Variants in XPNPEP2 observed in about 807,000 individuals in gnomAD.
The protein encoded by XPNPEP2 is xaa-Pro aminopeptidase 2.
XPNPEP2 carries 64 observed loss-of-function variants against 59.8 expected under a neutral mutation model. The ratio of observed to expected loss-of-function variants is 1.07; its 90% confidence interval spans 0.87 to 1.32. The LOEUF is 1.32. Ranked by LOEUF, XPNPEP2 falls within the 40% of genes most tolerant of loss-of-function variation. The probability of loss-of-function intolerance (pLI) is 0.00; values close to 1 mark genes in which losing one functional copy is unlikely to be tolerated. For synonymous variants in XPNPEP2, 235 were observed against 210.0 expected (o/e 1.12, Z -1.03); for missense variants, 575 against 546.8 (o/e 1.05, Z -0.51).
At position 129,760,422 on chromosome X, in the gene XPNPEP2, C is replaced by T. The variant is rs1890146399; in HGVS notation, c.1429-90C>T. 2.1e-5 allele frequency: 21 copies of T among 981,517 alleles called. No individual in the cohort carries two copies. The South Asian group carries it at 4.1e-4, about 19-fold the overall frequency. 80.9% of individuals were successfully genotyped at this position (981,517 alleles called of 1,213,427 possible). On this transcript the variant is annotated intron_variant, in intron 15 of 20. Transcript: ENST00000371106. ...CTGCCTACACACACCCAGGCCTGGG[C>T]CCTGCACCGTGTATCCATAGGCCAA...
At position 129,747,639 on chromosome X, in the gene XPNPEP2, G is replaced by A. The variant is rs1390724127; in HGVS notation, c.523G>A (p.Gly175Ser). ...GGAGAGTTATGATCTGGCCCTCCAA[G>A]GCTCTAACAGACAGCTGGTGTCCAT... ...TWESYDLALQ[G>S]SNRQLVSITT... The change falls in exon 7 of 21, where the codon GGC becomes AGC. Residue 175 changes from glycine (G) to serine (S), a missense_variant. Gly to Ser is a moderately conservative substitution (Grantham distance 56, BLOSUM62 0). Transcript: ENST00000371106. The A allele has an allele frequency of 2.5e-6, 3 of 1,211,846 alleles. No individual in the cohort carries two copies. Among genetic ancestry groups the A allele is most frequent in the South Asian group, 1.8e-5 (1 of 57,019 alleles).
intron 14 of XPNPEP2, among the ~76,000 whole-genome samples, chrX:129,757,927 GAAAGA>G (rs1326060059): frequency 9.5e-6 from 1 of 105,314 alleles, no homozygotes; most frequent in Non-Finnish European, 2.0e-5. Flanking sequence ...AAGAAAGAAA[GAAAGA>G]AAGAAAGAAA....
chrX:129,750,670 A>C, intron 8 of XPNPEP2, 101 bp downstream of exon 8: 6 of 670,757 alleles, frequency 8.9e-6, no homozygotes, highest in Non-Finnish European at 1.3e-5. Context: ...CCAAATAACC[A>C]TGTGCCCACC....
intron 18 of XPNPEP2, 138 bp from the exon 19 acceptor site, chrX:129,762,556 C>T: frequency 1.9e-6 from 1 of 521,444 alleles, no homozygotes; most frequent in East Asian, 3.4e-5. Context: ...AACATCTAAC[C>T]AGTTGTGGGG....
rs1602895033 is a variant in XPNPEP2, at chrX:129,742,274, C to G, written c.123+93C>G. 3 of 471,449 alleles carry G rather than the reference C, an allele frequency of 6.4e-6. No homozygotes were observed. The South Asian group carries it at 1.1e-4, about 17-fold the overall frequency. The allele number at this position is 471,449 out of a possible 1,213,427, so 38.9% of individuals were successfully genotyped here. A position where few individuals can be genotyped will look rare whatever the true frequency, so the allele number is the denominator to read the frequency against. Reference sequence around the variant, plus strand: ...CACCCCTGCACCGCAGCACCCCCGCCCTGCTCTATCATCTTCTCTATCCCT... The same window carrying G: ...CACCCCTGCACCGCAGCACCCCCGCGCTGCTCTATCATCTTCTCTATCCCT... On this transcript the variant is annotated intron_variant, in intron 2 of 20. Transcript: ENST00000371106.
In XPNPEP2 at chrX:129,753,244, G is replaced by A; in HGVS notation, c.1103G>A (p.Ser368Asn). ...AAGGAGCAGGCCCTCCTCAAGGCCA[G>A]CCACGTAAGTCCACGTTCAGGCAGA... ...NSKEQALLKASHVRDAVAVIR... is the reference protein window; with the variant it reads ...NSKEQALLKANHVRDAVAVIR... The change falls in exon 11 of 21, where the codon AGC (serine) becomes AAC (asparagine). Residue 368 changes from serine to asparagine, a missense_variant. By Grantham distance (46) the Ser-to-Asn change is conservative. Coordinates refer to ENST00000371106, the MANE Select transcript of XPNPEP2 (RefSeq NM_003399.6). The A allele has an allele frequency of 8.3e-7, 1 of 1,210,592 alleles. No individual in the cohort carries two copies. Among genetic ancestry groups the A allele is most frequent in the Non-Finnish European group, 1.1e-6 (1 of 894,184 alleles).
chrX:129,747,878 C>G lies in XPNPEP2; in HGVS notation c.637+125C>G, dbSNP rs181903024. 3.0e-4 allele frequency: 296 copies of G among 981,686 alleles called. No homozygotes were observed. The African/African-American group carries it at 5.1e-3, about 17-fold the overall frequency. 80.9% of individuals were successfully genotyped at this position (981,686 alleles called of 1,213,427 possible). ...GTGGTTTGCAAACCTTAGCATGCAC[C>G]TGAGTCACCTGGGATGCTTGTTTAA... On this transcript the variant is annotated intron_variant, in intron 7 of 20. Transcript: ENST00000371106.
rs184598761 is a variant in XPNPEP2, at chrX:129,744,442, C to T, written c.234+371C>T. ...CAAGCTCCCTTCTGGCCCAGGCCTT[C>T]CCATACTCTGTGGAATGGAGTAGCA... On this transcript the variant is annotated intron_variant, in intron 3 of 20. Coordinates refer to ENST00000371106, the MANE Select transcript of XPNPEP2 (RefSeq NM_003399.6). 8.9e-5 allele frequency among the ~76,000 whole-genome samples: 10 copies of T among 111,899 alleles called. No individual in the cohort carries two copies. The East Asian group carries it at 2.8e-3, about 31-fold the overall frequency.
Position 129,750,523 on chromosome X carries a change from A to G in XPNPEP2, c.693A>G (p.Gln231=). 2 of 1,196,562 alleles carry G rather than the reference A, an allele frequency of 1.7e-6. No homozygotes were observed. The highest frequency in any genetic ancestry group is 2.3e-6 in the Non-Finnish European group (2 of 888,115). The part of the protein sequence containing the change: ...SGVRSQMQKH[Q]KVPTAVLLSA... ...TCCGAAGCCAGATGCAGAAGCATCA[A>G]AAGGTCCCGACTGCCGTCCTTCTGT... is the stretch of plus-strand genomic sequence containing the variant. Residue 231 remains glutamine (Q), a synonymous_variant, in exon 8 of 21, where the codon CAA becomes CAG. Transcript: ENST00000371106.
In XPNPEP2 at chrX:129,749,302, G is replaced by A. The variant is rs140119127; in HGVS notation, c.638-1166G>A. On this transcript the variant is annotated intron_variant, in intron 7 of 20. Coordinates refer to ENST00000371106, the MANE Select transcript of XPNPEP2 (RefSeq NM_003399.6). The stretch of plus-strand genomic sequence containing the variant: ...GGTTTCCTTTGGGGATGAAGAAAAT[G>A]TTCTAGAATTAGATCGTGGCGATGG... 8.1e-3 allele frequency among the ~76,000 whole-genome samples: 903 copies of A among 112,033 alleles called. 15 individuals carry two copies. The highest frequency in any genetic ancestry group is 0.028 in the African/African-American group (864 of 30,824).
chrX:129,749,655 G>T (rs1300786949), intron 7 of XPNPEP2, among the ~76,000 whole-genome samples: 2 of 113,092 alleles, frequency 1.8e-5, no homozygotes, highest in African/African-American at 6.4e-5. Context: ...CAGGGGGCAG[G>T]GATAGAAGAT....
rs1448596264 is a variant in XPNPEP2, at chrX:129,739,269, G to C, written c.49+7G>C. Reference sequence around the variant, plus strand: ...TGGCTGGTCCTCCTCTGTGGTATGTGCATCCTAGCTTCCACTGGAAGGCAG... The same window carrying C: ...TGGCTGGTCCTCCTCTGTGGTATGTCCATCCTAGCTTCCACTGGAAGGCAG... On this transcript the variant is annotated splice_region_variant and intron_variant, in intron 1 of 20. Coordinates refer to ENST00000371106, the MANE Select transcript of XPNPEP2 (RefSeq NM_003399.6). The C allele has an allele frequency of 1.7e-6, 2 of 1,206,106 alleles. No individual in the cohort carries two copies. Among genetic ancestry groups the C allele is most frequent in the African/African-American group, 3.5e-5 (2 of 56,983 alleles).
chrX:129,750,530 C>T lies in XPNPEP2; in HGVS notation c.700C>T (p.Pro234Ser). 8.4e-7 allele frequency: 1 copy of T among 1,194,557 alleles called. No homozygotes were observed. Among genetic ancestry groups the T allele is most frequent in the Non-Finnish European group, 1.1e-6 (1 of 887,180 alleles). ...RSQMQKHQKV[P>S]TAVLLSALEE... is the part of the protein sequence containing the mutation. ...CCAGATGCAGAAGCATCAAAAGGTC[C>T]CGACTGCCGTCCTTCTGTCGGCGCT... Residue 234 changes from proline (P) to serine (S), a missense_variant, in exon 8 of 21, where the codon CCG (proline) becomes TCG (serine). Physicochemically the swap from Pro to Ser is moderately conservative, Grantham distance 74. Coordinates refer to ENST00000371106, the MANE Select transcript of XPNPEP2 (RefSeq NM_003399.6).
intron 2 of XPNPEP2, among the ~76,000 whole-genome samples, chrX:129,742,653 G>A (rs1926215499): frequency 9.0e-6 from 1 of 111,014 alleles, no homozygotes; most frequent in African/African-American, 3.3e-5. Context: ...TGTAATCCCA[G>A]CACTTTGGGA....
At position 129,759,071 on chromosome X, in the gene XPNPEP2, C is replaced by T. The variant is rs1011874136; in HGVS notation, c.1368-109C>T. On this transcript the variant is annotated intron_variant, in intron 14 of 20. Coordinates refer to ENST00000371106, the MANE Select transcript of XPNPEP2 (RefSeq NM_003399.6). The stretch of plus-strand genomic sequence containing the variant: ...ATGGTAGCTGTCTTCTTCCTTTCGC[C>T]GTCCACCCATCCCATCCCAGCCCTG... 16 of 917,556 alleles carry T rather than the reference C, an allele frequency of 1.7e-5. No homozygotes were observed. The East Asian group carries it at 2.8e-4, about 16-fold the overall frequency. The allele number at this position is 917,556 out of a possible 1,213,427, so 75.6% of individuals were successfully genotyped here. A position where few individuals can be genotyped will look rare whatever the true frequency, so the allele number is the denominator to read the frequency against.
intron 2 of XPNPEP2, 42 bp downstream of exon 2, chrX:129,742,223 A>C (rs866214832): frequency 1.6e-6 from 1 of 609,509 alleles, no homozygotes; most frequent in Non-Finnish European, 2.2e-6. Context: ...CCCTGGCCCC[A>C]CGCACCCCCC....
At position 129,762,745 on chromosome X, in the gene XPNPEP2, C is replaced by T; in HGVS notation, c.1715C>T (p.Ala572Val). 8.3e-7 allele frequency: 1 copy of T among 1,211,798 alleles called. No homozygotes were observed. Among genetic ancestry groups the T allele is most frequent in the East Asian group, 3.0e-5 (1 of 33,864 alleles). The change falls in exon 19 of 21, where the codon GCT becomes GTT. Residue 572 changes from alanine (A) to valine (V), a missense_variant. By Grantham distance (64) the Ala-to-Val change is moderately conservative. Transcript: ENST00000371106. ...GEFGIRLEDV[A>V]LVVEAKTKYP... ...TTTGGGATCCGTCTCGAAGATGTGGCTCTCGTGGTAGAAGCAAAGACCAAG... is the reference window on the plus strand; with the variant it reads ...TTTGGGATCCGTCTCGAAGATGTGGTTCTCGTGGTAGAAGCAAAGACCAAG...
chrX:129,755,419 T>C (rs767159276), intron 13 of XPNPEP2, 48 bp downstream of exon 13: 2 of 1,139,334 alleles, frequency 1.8e-6, no homozygotes, highest in Non-Finnish European at 2.4e-6. Flanking sequence ...GGCATCCTGT[T>C]GTGTGTGTAG....
At chrX:129,741,267 T>G (rs1249829758) in intron 1 of XPNPEP2, among the ~76,000 whole-genome samples, 1 of 111,242 alleles carries the variant, frequency 9.0e-6, no homozygotes, top group Non-Finnish European at 1.9e-5. Context: ...TGGCATCACC[T>G]TTTTCAGGCC....
Sources: gnomAD v4.1 joint callset for allele counts (sites outside exome capture counted in the v4.1 genomes callset) on GRCh38, gnomAD v4.1.1 for gene constraint, MANE v1.5 for transcripts, NCBI Gene and HGNC (gene_info 2026-07-23, HGNC 2026-07-21) for gene names.